OCM: variants seen among roughly 807,000 people sequenced by gnomAD.
OCM encodes oncomodulin.
Under a neutral mutation model 14.1 loss-of-function variants are expected in OCM, and 18 were observed. The ratio of observed to expected loss-of-function variants is 1.28; its 90% confidence interval spans 0.88 to 1.89. The LOEUF is 1.89. OCM is among the 40% of genes most tolerant of loss of function. The pLI, the probability that OCM is intolerant of heterozygous loss-of-function variation, is 0.00. For synonymous variants in OCM, 48 were observed against 51.0 expected (o/e 0.94, Z 0.25); for missense variants, 140 against 137.6 (o/e 1.02, Z -0.09).
the OCM span, among the ~76,000 whole-genome samples, chr7:5,873,875 G>A: frequency 4.0e-5 from 6 of 151,822 alleles, no homozygotes; most frequent in Non-Finnish European, 1.5e-5. Context: ...AGCCCATCAT[G>A]CATGATGGAA....
the OCM span, among the ~76,000 whole-genome samples, chr7:5,868,119 T>C: frequency 2.0e-5 from 3 of 152,088 alleles, no homozygotes; most frequent in Non-Finnish European, 4.4e-5. Flanking sequence ...AGTGTATTTT[T>C]CTTCTCTAGC....
At chr7:5,861,253 C>T in the OCM span, among the ~76,000 whole-genome samples, 3 of 152,052 alleles carry the variant, frequency 2.0e-5, no homozygotes, top group African/African-American at 7.2e-5. Flanking sequence ...GAAACCCCAT[C>T]TCTACTAAAA....
At chr7:5,873,111 A>G in the OCM span, among the ~76,000 whole-genome samples, 2 of 152,270 alleles carry the variant, frequency 1.3e-5, no homozygotes, top group African/African-American at 4.8e-5. Context: ...ACAGTGGCTC[A>G]TACCTGTAAT....
Position 5,884,050 on chromosome 7 carries a change from C to T in OCM, c.304+51C>T, listed in dbSNP as rs767647015. The T allele has an allele frequency of 3.9e-5, 62 of 1,605,048 alleles. No individual in the cohort carries two copies. In the Admixed American group the frequency reaches 5.2e-4, roughly 14 times the overall value. Reference sequence around the variant, plus strand: ...AAAACACTCTAGCTCAGGAAGCATCCGTGAGGGCTTGGGCTGTGAGATCAA... The same window carrying T: ...AAAACACTCTAGCTCAGGAAGCATCTGTGAGGGCTTGGGCTGTGAGATCAA... On this transcript the variant is annotated intron_variant, in intron 3 of 3. Coordinates refer to ENST00000242104, the MANE Select transcript of OCM (RefSeq NM_001097622.2).
the OCM span, among the ~76,000 whole-genome samples, chr7:5,861,622 A>G: frequency 2.6e-5 from 4 of 152,158 alleles, no homozygotes; most frequent in African/African-American, 7.2e-5. Flanking sequence ...TGAGTTTAGC[A>G]GGGAAGGAGG....
upstream of OCM, among the ~76,000 whole-genome samples, chr7:5,874,828 G>A (rs1293204255): frequency 6.6e-6 from 1 of 151,772 alleles, no homozygotes; most frequent in Non-Finnish European, 1.5e-5. Context: ...TTAAAGTTCA[G>A]TGGCATTAAA....
chr7:5,862,360 G>A, the OCM span, among the ~76,000 whole-genome samples: 7 of 151,996 alleles, frequency 4.6e-5, 1 homozygote, highest in African/African-American at 1.4e-4. Context: ...AAGACAGAAC[G>A]TTACGTATCT....
At chr7:5,868,494 G>A in the OCM span, among the ~76,000 whole-genome samples, 42,800 of 151,822 alleles carry the variant, frequency 0.28, 8,796 homozygotes, top group African/African-American at 0.59. Context: ...ATGCTCTAGT[G>A]AGCTCACGAA....
upstream of OCM, among the ~76,000 whole-genome samples, chr7:5,876,011 A>AT (rs1279450825): frequency 3.4e-5 from 5 of 148,718 alleles, no homozygotes; most frequent in East Asian, 2.0e-4. Flanking sequence ...GATTATTATT[A>AT]TTTTTTTTTC....
the OCM span, among the ~76,000 whole-genome samples, chr7:5,868,327 T>C: frequency 6.6e-6 from 1 of 151,932 alleles, no homozygotes; most frequent in Non-Finnish European, 1.5e-5. Flanking sequence ...TTTTAATTTT[T>C]GTAGAGATGG....
chr7:5,863,898 G>C, the OCM span, among the ~76,000 whole-genome samples: 29 of 152,072 alleles, frequency 1.9e-4, no homozygotes, highest in South Asian at 6.2e-4. Context: ...GGAGAGGGCC[G>C]ATGTTGTCTA....
chr7:5,881,117 G>C (rs1781207237), intron 1 of OCM, among the ~76,000 whole-genome samples, 167 bp downstream of exon 1: 2 of 151,502 alleles, frequency 1.3e-5, no homozygotes, highest in Non-Finnish European at 2.9e-5. Flanking sequence ...AGGAGTTCGA[G>C]ACCAGCCTGG....
At chr7:5,883,721 A>G (rs1225640358) in intron 2 of OCM, among the ~76,000 whole-genome samples, 169 bp from the exon 3 acceptor site, 1 of 152,040 alleles carries the variant, frequency 6.6e-6, no homozygotes, top group African/African-American at 2.4e-5. Flanking sequence ...TTAAAAATGA[A>G]GTGCCCACCA....
chr7:5,865,585 A>G, the OCM span, among the ~76,000 whole-genome samples: 20 of 152,338 alleles, frequency 1.3e-4, no homozygotes, highest in Non-Finnish European at 7.3e-5. Context: ...AGGCTGGTGC[A>G]AAAGTTATAA....
chr7:5,873,321 G>C, the OCM span, among the ~76,000 whole-genome samples: 41 of 152,046 alleles, frequency 2.7e-4, no homozygotes, highest in Non-Finnish European at 5.0e-4. Context: ...AGGTCGCAGT[G>C]AGCCTAGATC....
intron 2 of OCM, among the ~76,000 whole-genome samples, chr7:5,883,030 A>G (rs907671785): frequency 5.3e-5 from 8 of 151,784 alleles, no homozygotes; most frequent in Admixed American, 4.6e-4. Context: ...TAGAGTAGAG[A>G]TGGGGCTTCA....
At chr7:5,882,672 G>A (rs1351842892) in intron 2 of OCM, 47 bp downstream of exon 2, 4 of 1,606,604 alleles carry the variant, frequency 2.5e-6, no homozygotes, top group Middle Eastern at 1.7e-4. Context: ...TGCTGAGTGG[G>A]CCTGGGGTGC....
chr7:5,862,204 C>A, the OCM span, among the ~76,000 whole-genome samples: 21 of 152,270 alleles, frequency 1.4e-4, no homozygotes, highest in Admixed American at 1.3e-4. Context: ...AAGGTAAATT[C>A]TCAGGACCCC....
chr7:5,865,750 T>G, the OCM span, among the ~76,000 whole-genome samples: 1 of 152,184 alleles, frequency 6.6e-6, no homozygotes. Context: ...CAGAGAACTG[T>G]CCTGGGCTTG....
Sources: gnomAD v4.1 joint callset for allele counts (sites outside exome capture counted in the v4.1 genomes callset) on GRCh38, gnomAD v4.1.1 for gene constraint, MANE v1.5 for transcripts, NCBI Gene and HGNC (gene_info 2026-07-23, HGNC 2026-07-21) for gene names.